The following FER variants were observed in gnomAD, a reference collection of about 807,000 sequenced individuals.
The protein encoded by FER is tyrosine-protein kinase Fer.
A neutral mutation model predicts 111.0 loss-of-function variants in FER; 63 were observed. That is an observed-to-expected ratio of 0.57 (90% CI 0.46 to 0.70). The LOEUF is 0.70. FER is among the 30% of genes least tolerant of loss of function. The pLI is 0.00. For synonymous variants in FER, 327 were observed against 313.9 expected (o/e 1.04, Z -0.44); for missense variants, 914 against 954.0 (o/e 0.96, Z 0.55).
chr5:109,021,303 C>G (rs760256403), intron 13 of FER, among the ~76,000 whole-genome samples: 16 of 151,954 alleles, frequency 1.1e-4, no homozygotes, highest in Non-Finnish European at 2.1e-4. Context: ...GTTGACTTCC[C>G]TGTGTGAAGT....
intron 17 of FER, among the ~76,000 whole-genome samples, chr5:109,122,931 C>G (rs1287315564): frequency 6.6e-6 from 1 of 151,856 alleles, no homozygotes; most frequent in African/African-American, 2.4e-5. Context: ...TTTTTTCATC[C>G]TTTTATTTTC....
intron 3 of FER, among the ~76,000 whole-genome samples, chr5:108,826,722 A>G (rs189100746): frequency 3.9e-5 from 6 of 152,368 alleles, no homozygotes; most frequent in Admixed American, 1.3e-4. Context: ...TGAATCAAAC[A>G]AAGGTCTGGG....
At chr5:109,093,530 T>C (rs777496837) in intron 16 of FER, among the ~76,000 whole-genome samples, 43 of 152,154 alleles carry the variant, frequency 2.8e-4, no homozygotes, top group Non-Finnish European at 5.7e-4. Flanking sequence ...TTGTATGACA[T>C]TTTCTGTTTT....
chr5:108,839,335 G>A (rs184086790), intron 5 of FER, among the ~76,000 whole-genome samples: 1 of 152,146 alleles, frequency 6.6e-6, no homozygotes, highest in South Asian at 2.1e-4. Context: ...AGGAATCCTA[G>A]GTGATTGTCA....
intron 18 of FER, 77 bp from the exon 19 acceptor site, chr5:109,186,123 C>G (rs1047359102): frequency 4.4e-6 from 7 of 1,590,638 alleles, no homozygotes; most frequent in Non-Finnish European, 5.2e-6. Flanking sequence ...ATGACTGACA[C>G]AGACATACAT....
chr5:108,939,326 A>G lies in FER; in HGVS notation c.1237-6804A>G, dbSNP rs1200079840. Among the ~76,000 whole-genome samples, 3 of 152,110 alleles carry G rather than the reference A, an allele frequency of 2.0e-5. No homozygotes were observed. The East Asian group carries it at 5.8e-4, about 29-fold the overall frequency. On this transcript the variant is annotated intron_variant, in intron 10 of 19. Coordinates refer to ENST00000281092, the MANE Select transcript of FER (RefSeq NM_005246.4). Reference sequence around the variant, plus strand: ...TTGTTTTGTTAGTGATCATTGTGACATTTGAAGTTGCTTATTGAAAATCTT... The same window carrying G: ...TTGTTTTGTTAGTGATCATTGTGACGTTTGAAGTTGCTTATTGAAAATCTT...
Position 108,977,838 on chromosome 5 carries a change from C to T in FER, c.1656+18491C>T, listed in dbSNP as rs114471709. On this transcript the variant is annotated intron_variant, in intron 13 of 19. Transcript: ENST00000281092. ...GGGTCAGACACTTGTGAAGCGACTC[C>T]TGTTTCTCTCTTCTCTCTCTTTTGT... Among the ~76,000 whole-genome samples the T allele has an allele frequency of 4.4e-3, 676 of 152,168 alleles. 5 individuals carry two copies. Among genetic ancestry groups the T allele is most frequent in the African/African-American group, 0.015 (637 of 41,516 alleles).
chr5:109,040,992 A>G (rs1581760400), intron 14 of FER, among the ~76,000 whole-genome samples: 1 of 152,162 alleles, frequency 6.6e-6, no homozygotes, highest in Middle Eastern at 3.2e-3. Flanking sequence ...CTTGAAATGA[A>G]GTAGGAAACA....
At chr5:109,130,249 A>T (rs1235671441) in intron 17 of FER, among the ~76,000 whole-genome samples, 1 of 152,094 alleles carries the variant, frequency 6.6e-6, no homozygotes, top group African/African-American at 2.4e-5. Context: ...AATATGTGAC[A>T]TATAATAATT....
chr5:109,062,486 A>G (rs1436394280), intron 16 of FER, among the ~76,000 whole-genome samples: 1 of 152,138 alleles, frequency 6.6e-6, no homozygotes, highest in Non-Finnish European at 1.5e-5. Context: ...GGATCACATC[A>G]CTGCACTTCA....
At chr5:109,055,395 C>G (rs760351214) in intron 16 of FER, among the ~76,000 whole-genome samples, 1 of 152,178 alleles carries the variant, frequency 6.6e-6, no homozygotes, top group Non-Finnish European at 1.5e-5. Context: ...ATTGTGAAAA[C>G]TACTTGCAAA....
intron 3 of FER, among the ~76,000 whole-genome samples, chr5:108,818,489 G>T (rs1758504964): frequency 1.3e-5 from 2 of 151,852 alleles, no homozygotes; most frequent in Non-Finnish European, 2.9e-5. Context: ...TTACATTTCA[G>T]GTAAAAGCAA....
rs150157611 is a variant in FER at position 108,871,197 on chromosome 5, A to G, written c.666-168A>G. 2.6e-4 allele frequency among the ~76,000 whole-genome samples: 40 copies of G among 152,274 alleles called. No homozygotes were observed. The East Asian group carries it at 3.3e-3, about 12-fold the overall frequency. Reference sequence around the variant, plus strand: ...ATAAATTGCTAATCTGTACATTTATATAATCCCTCTTCTTTACTCTCCAGG... The same window carrying G: ...ATAAATTGCTAATCTGTACATTTATGTAATCCCTCTTCTTTACTCTCCAGG... On this transcript the variant is annotated intron_variant, in intron 6 of 19. Transcript: ENST00000281092.
At chr5:108,819,912 T>G in intron 3 of FER, 1 of 985,216 alleles carries the variant, frequency 1.0e-6, no homozygotes, top group Non-Finnish European at 1.2e-6. Context: ...AAAGGTTGAT[T>G]GGGTTGGAGG....
intron 17 of FER, among the ~76,000 whole-genome samples, chr5:109,118,172 T>C (rs143899601): frequency 0.018 from 2,698 of 152,284 alleles, 74 homozygotes; most frequent in African/African-American, 0.061. Context: ...TATTTTGAGA[T>C]ACGTCCCATC....
chr5:109,140,564 G>A (rs1753416570), intron 17 of FER, among the ~76,000 whole-genome samples: 1 of 152,118 alleles, frequency 6.6e-6, no homozygotes, highest in Non-Finnish European at 1.5e-5. Flanking sequence ...TGACTTTTAA[G>A]GAAGCAAGAA....
intron 13 of FER, among the ~76,000 whole-genome samples, chr5:108,997,473 A>G (rs1445797784): frequency 1.3e-5 from 2 of 151,422 alleles, no homozygotes; most frequent in Non-Finnish European, 2.9e-5. Context: ...CCAAATATAC[A>G]CTCATGTCAT....
intron 13 of FER, among the ~76,000 whole-genome samples, chr5:108,984,233 G>A (rs1290949973): frequency 6.6e-6 from 1 of 151,980 alleles, no homozygotes; most frequent in African/African-American, 2.4e-5. Context: ...TTCTCTTTAT[G>A]GGGAGTTAAA....
At chr5:109,019,370 T>C (rs1321648713) in intron 13 of FER, among the ~76,000 whole-genome samples, 1 of 151,866 alleles carries the variant, frequency 6.6e-6, no homozygotes, top group Non-Finnish European at 1.5e-5. Flanking sequence ...AGATAGGTCC[T>C]TCCTAGTAAC....
Sources: allele counts gnomAD v4.1 joint callset (sites outside exome capture counted in the v4.1 genomes callset), GRCh38; gene constraint gnomAD v4.1.1; transcripts MANE v1.5; gene names NCBI Gene and HGNC (gene_info 2026-07-23, HGNC 2026-07-21).